Variants in TAF3 observed in about 807,000 individuals in gnomAD.
The protein encoded by TAF3 is transcription initiation factor TFIID subunit 3.
TAF3 carries 7 observed loss-of-function variants against 80.6 expected under a neutral mutation model. The ratio of observed to expected loss-of-function variants is 0.09; its 90% CI spans 0.05 to 0.16. The LOEUF is 0.16. Among genes scored for constraint, TAF3 ranks in the 10% least tolerant of loss-of-function variants. The pLI, the probability that TAF3 is intolerant of heterozygous loss-of-function variation, is 1.00. For synonymous variants in TAF3, 444 were observed against 446.1 expected, an observed-to-expected ratio of 1.00 and a Z score of 0.06; for missense variants, 921 against 1,140.2, an observed-to-expected ratio of 0.81 and a Z score of 2.77.
chr10:7,841,847 G>C (rs778964499), intron 2 of TAF3, among the ~76,000 whole-genome samples: 1 of 152,190 alleles, frequency 6.6e-6, no homozygotes, highest in Non-Finnish European at 1.5e-5. Flanking sequence ...CTTATAGTCT[G>C]CAGGCAATCC....
intron 2 of TAF3, among the ~76,000 whole-genome samples, chr10:7,883,524 G>A (rs2131156468): frequency 1.3e-5 from 2 of 152,248 alleles, no homozygotes; most frequent in East Asian, 3.9e-4. Context: ...GCTATCTGGT[G>A]GAGAGATACT....
At chr10:7,938,738 A>C (rs1041235448) in intron 2 of TAF3, among the ~76,000 whole-genome samples, 2 of 152,226 alleles carry the variant, frequency 1.3e-5, no homozygotes, top group African/African-American at 4.8e-5. Context: ...CAGCAACATT[A>C]AAGTGACAGC....
At chr10:8,008,740 G>A (rs1039889366) in intron 4 of TAF3, among the ~76,000 whole-genome samples, 7 of 152,192 alleles carry the variant, frequency 4.6e-5, no homozygotes, top group Non-Finnish European at 1.5e-5. Flanking sequence ...CAGCAGAGGT[G>A]GGGGTGGGGA....
intron 4 of TAF3, among the ~76,000 whole-genome samples, chr10:7,992,064 C>T (rs904371824): frequency 1.3e-5 from 2 of 152,078 alleles, no homozygotes; most frequent in Non-Finnish European, 2.9e-5. Flanking sequence ...AAATAATTAC[C>T]CATCCTCCTC....
At chr10:7,885,005 T>C (rs1032144170) in intron 2 of TAF3, among the ~76,000 whole-genome samples, 2 of 151,998 alleles carry the variant, frequency 1.3e-5, no homozygotes, top group African/African-American at 4.8e-5. Flanking sequence ...TTTTTTTTTT[T>C]TAATTTGTAG....
chr10:7,859,260 C>CAATAAATA (rs145110594), intron 2 of TAF3, among the ~76,000 whole-genome samples: 4 of 134,340 alleles, frequency 3.0e-5, no homozygotes, highest in African/African-American at 5.6e-5. Context: ...GACTCCATCT[C>CAATAAATA]AATAAATAAA....
intron 2 of TAF3, among the ~76,000 whole-genome samples, chr10:7,833,005 T>G (rs911321427): frequency 1.3e-5 from 2 of 152,138 alleles, no homozygotes; most frequent in African/African-American, 4.8e-5. Flanking sequence ...AGATAAAATG[T>G]TCAATAAATT....
intron 2 of TAF3, among the ~76,000 whole-genome samples, chr10:7,857,153 C>T (rs1837089180): frequency 6.6e-6 from 1 of 152,180 alleles, no homozygotes; most frequent in Non-Finnish European, 1.5e-5. Context: ...ATACGAATGT[C>T]AAAACCTCCC....
At chr10:7,904,193 T>A (rs1436980449) in intron 2 of TAF3, among the ~76,000 whole-genome samples, 2 of 152,130 alleles carry the variant, frequency 1.3e-5, no homozygotes, top group African/African-American at 4.8e-5. Context: ...GACACGCTCT[T>A]CCGAGGCAGT....
intron 2 of TAF3, among the ~76,000 whole-genome samples, chr10:7,894,222 C>T (rs564917201): frequency 6.6e-6 from 1 of 152,286 alleles, no homozygotes; most frequent in Non-Finnish European, 1.5e-5. Context: ...TTCCACTTCT[C>T]CTACCCCTAA....
intron 1 of TAF3, among the ~76,000 whole-genome samples, chr10:7,822,342 T>C (rs1836698743): frequency 6.6e-6 from 1 of 152,108 alleles, no homozygotes; most frequent in African/African-American, 2.4e-5. Context: ...AATTTAAGAT[T>C]ATTATATTTT....
intron 2 of TAF3, among the ~76,000 whole-genome samples, chr10:7,917,910 G>A (rs1313313569): frequency 6.6e-6 from 1 of 152,236 alleles, no homozygotes; most frequent in Non-Finnish European, 1.5e-5. Context: ...AGTCTGACTG[G>A]AGAAGACCGA....
rs561342320 is a variant in TAF3, at chr10:7,888,348, T to C, written c.409+63788T>C. Among the ~76,000 whole-genome samples, 177 of 152,312 alleles carry C rather than the reference T, an allele frequency of 1.2e-3. 1 individual carries two copies. Among genetic ancestry groups the C allele is most frequent in the Non-Finnish European group, 2.1e-3 (141 of 68,020 alleles). ...CACATAATATGATTCATTGAGACAG[T>C]GGAGAAAGTGTTTAACTTCTATTTA... is the stretch of plus-strand genomic sequence containing the variant. On this transcript the variant is annotated intron_variant, in intron 2 of 6. Coordinates refer to ENST00000344293, the MANE Select transcript of TAF3 (RefSeq NM_031923.4).
intron 4 of TAF3, among the ~76,000 whole-genome samples, chr10:7,990,803 T>TA (rs1160841262): frequency 6.6e-6 from 1 of 152,170 alleles, no homozygotes; most frequent in Non-Finnish European, 1.5e-5. Flanking sequence ...GGAGGTGCGT[T>TA]AGAGAGTCCT....
At chr10:7,852,052 G>A (rs1837032210) in intron 2 of TAF3, among the ~76,000 whole-genome samples, 1 of 151,904 alleles carries the variant, frequency 6.6e-6, no homozygotes, top group African/African-American at 2.4e-5. Flanking sequence ...TCAAAGCACT[G>A]GGATTATAAG....
At chr10:7,870,310 C>G (rs1396916363) in intron 2 of TAF3, among the ~76,000 whole-genome samples, 2 of 152,182 alleles carry the variant, frequency 1.3e-5, no homozygotes, top group African/African-American at 4.8e-5. Flanking sequence ...CCAATTCTCA[C>G]TTTTCCGGGA....
chr10:7,847,506 G>T (rs1273836866), intron 2 of TAF3, among the ~76,000 whole-genome samples: 1 of 152,202 alleles, frequency 6.6e-6, no homozygotes, highest in African/African-American at 2.4e-5. Context: ...GCGCAGTGGT[G>T]CAGTCATAGC....
rs193088114 is a variant in TAF3, at chr10:7,935,968, T to G, written c.410-27952T>G. Among the ~76,000 whole-genome samples, 76 of 152,160 alleles carry G rather than the reference T, an allele frequency of 5.0e-4. No individual in the cohort carries two copies. In the East Asian group the frequency reaches 5.6e-3, roughly 11 times the overall value. Reference sequence around the variant, plus strand: ...GGAGTAGAGCACTCTCGAGTCTCATTTGGGCTGCCGATTGTAGGGGCTCAC... The same window carrying G: ...GGAGTAGAGCACTCTCGAGTCTCATGTGGGCTGCCGATTGTAGGGGCTCAC... On this transcript the variant is annotated intron_variant, in intron 2 of 6. Transcript: ENST00000344293.
chr10:7,827,728 C>G (rs189488820), intron 2 of TAF3, among the ~76,000 whole-genome samples: 2 of 149,630 alleles, frequency 1.3e-5, no homozygotes, highest in East Asian at 4.0e-4. Context: ...TGCAGTGAGC[C>G]GAGATTGTGC....
Sources: allele counts gnomAD v4.1 joint callset (sites outside exome capture counted in the v4.1 genomes callset), GRCh38; gene constraint gnomAD v4.1.1; transcripts MANE v1.5; gene names NCBI Gene and HGNC (gene_info 2026-07-23, HGNC 2026-07-21).